Variants in AP3B1 observed in about 807,000 individuals in gnomAD.
AP3B1 encodes the protein adaptor related protein complex 3 subunit beta 1.
In AP3B1, 61 loss-of-function variants were observed where a neutral mutation model predicts 132.5. That is an observed-to-expected ratio of 0.46 (90% CI 0.37 to 0.57). AP3B1 has a LOEUF of 0.57. Among genes scored for constraint, AP3B1 ranks in the 20% least tolerant of loss-of-function variants. AP3B1 has a pLI of 0.00. For missense variants in AP3B1, 1,120 were observed against 1,289.4 expected, an observed-to-expected ratio of 0.87 and a Z score of 2.01; for synonymous variants, 388 against 438.3, an observed-to-expected ratio of 0.89 and a Z score of 1.43.
At chr5:78,177,707 C>T (rs1322864603) in intron 8 of AP3B1, among the ~76,000 whole-genome samples, 1 of 151,596 alleles carries the variant, frequency 6.6e-6, no homozygotes, top group African/African-American at 2.4e-5. Flanking sequence ...AGCCCTAAAT[C>T]GAATGAACGT....
intron 15 of AP3B1, among the ~76,000 whole-genome samples, chr5:78,130,504 T>C (rs1752641019): frequency 6.6e-6 from 1 of 152,056 alleles, no homozygotes; most frequent in African/African-American, 2.4e-5. Flanking sequence ...AGTAGAATTA[T>C]AAAAAATACA....
intron 14 of AP3B1, among the ~76,000 whole-genome samples, chr5:78,150,687 T>C (rs371812794): frequency 6.6e-6 from 1 of 152,080 alleles, no homozygotes; most frequent in Admixed American, 6.6e-5. Flanking sequence ...ATTTGACACA[T>C]GGGAAAAGTG....
At chr5:78,248,779 T>C (rs1747493254) in intron 2 of AP3B1, among the ~76,000 whole-genome samples, 1 of 152,176 alleles carries the variant, frequency 6.6e-6, no homozygotes, top group South Asian at 2.1e-4. Context: ...TAGTCTTTAT[T>C]TCATCTTCGT....
At chr5:78,218,332 A>AT (rs1746043547) in intron 6 of AP3B1, among the ~76,000 whole-genome samples, 2 of 152,292 alleles carry the variant, frequency 1.3e-5, no homozygotes, top group South Asian at 4.1e-4. Context: ...CACTGTGTCA[A>AT]TAGTAGCTTT....
chr5:78,163,650 TATAC>T (rs948253066), intron 12 of AP3B1, among the ~76,000 whole-genome samples: 3 of 148,342 alleles, frequency 2.0e-5, no homozygotes, highest in Admixed American at 6.8e-5. Flanking sequence ...CATATATATA[TATAC>T]ACACACACAC....
intron 14 of AP3B1, among the ~76,000 whole-genome samples, chr5:78,152,024 C>A (rs1434503347): frequency 5.4e-4 from 37 of 68,136 alleles, no homozygotes; most frequent in African/African-American, 2.1e-3. Flanking sequence ...TCCCTCCCCT[C>A]CCCCTTCTCT....
intron 2 of AP3B1, among the ~76,000 whole-genome samples, chr5:78,247,387 T>G (rs6873334): frequency 0.022 from 3,328 of 151,016 alleles, 131 homozygotes; most frequent in African/African-American, 0.073. Context: ...TAAGTTGATA[T>G]TATTCTAGTC....
chr5:78,250,287 C>T lies in AP3B1; in HGVS notation c.205-9351G>A, dbSNP rs140158180. Among the ~76,000 whole-genome samples, 800 of 152,066 alleles carry T rather than the reference C, an allele frequency of 5.3e-3. 8 individuals carry two copies. Among genetic ancestry groups the T allele is most frequent in the Admixed American group, 0.012 (182 of 15,246 alleles). ...TCTTAGTACCTATTCCCAAAGAATA[C>T]TTAAACCCAAAAAAGAAAAATAAAG... On this transcript the variant is annotated intron_variant, in intron 2 of 26. Coordinates refer to ENST00000255194, the MANE Select transcript of AP3B1 (RefSeq NM_003664.5).
chr5:78,032,626 G>T (rs1554059049), intron 24 of AP3B1, among the ~76,000 whole-genome samples: 1 of 151,848 alleles, frequency 6.6e-6, no homozygotes, highest in Non-Finnish European at 1.5e-5. Context: ...GTGAGTAATT[G>T]TGATTACACT....
At position 78,225,554 on chromosome 5, in the gene AP3B1, T is replaced by G. The variant is rs1309523243; in HGVS notation, c.591A>C (p.Lys197Asn). 6.3e-7 allele frequency: 1 copy of G among 1,576,668 alleles called. No homozygotes were observed. Among genetic ancestry groups the G allele is most frequent in the Non-Finnish European group, 8.7e-7 (1 of 1,148,528 alleles). Residue 197 changes from lysine to asparagine, a missense_variant, in exon 6 of 27, where the codon AAA becomes AAC. This residue lies in a region of AP3B1 where 129 missense variants were observed against 212.4 expected (regional missense o/e 0.61). Transcript: ENST00000255194. ...AGACATTACTTACTGTGCTTTTATC[T>G]TTCAGAAGTTTTTCAATTACTTCAA... is the stretch of plus-strand genomic sequence containing the variant. ...MLIEVIEKLL[K>N]DKSTLVAGSV...
intron 22 of AP3B1, among the ~76,000 whole-genome samples, chr5:78,080,099 C>T (rs1437715258): frequency 6.6e-6 from 1 of 152,172 alleles, no homozygotes; most frequent in Non-Finnish European, 1.5e-5. Context: ...ATCTCAGCCT[C>T]CTAGGCTCAA....
chr5:78,097,281 A>G (rs1398984134), intron 21 of AP3B1, among the ~76,000 whole-genome samples: 1 of 71,532 alleles, frequency 1.4e-5, no homozygotes, highest in African/African-American at 5.5e-5. Context: ...TCCGGGAGGG[A>G]GGTGGGGGGG....
intron 15 of AP3B1, among the ~76,000 whole-genome samples, chr5:78,136,951 A>C (rs1752943264): frequency 6.6e-6 from 1 of 152,154 alleles, no homozygotes; most frequent in Non-Finnish European, 1.5e-5. Flanking sequence ...GATTTGTCCA[A>C]AATCATGTAA....
intron 22 of AP3B1, among the ~76,000 whole-genome samples, chr5:78,071,509 T>C (rs1018854272): frequency 1.3e-5 from 2 of 152,310 alleles, no homozygotes; most frequent in East Asian, 1.9e-4. Context: ...CCACAGCACA[T>C]GTTTACCTAT....
At chr5:78,287,901 C>A (rs748093672) in intron 1 of AP3B1, among the ~76,000 whole-genome samples, 1 of 152,040 alleles carries the variant, frequency 6.6e-6, no homozygotes, top group African/African-American at 2.4e-5. Context: ...ATTATTAGAA[C>A]ACAAGAGATT....
At chr5:78,280,505 C>T (rs1749003314) in intron 1 of AP3B1, among the ~76,000 whole-genome samples, 1 of 152,146 alleles carries the variant, frequency 6.6e-6, no homozygotes, top group South Asian at 2.1e-4. Context: ...GCCACAGTAA[C>T]AGATGGGCAT....
chr5:78,014,450 T>C (rs1746771602), intron 26 of AP3B1, among the ~76,000 whole-genome samples: 1 of 152,130 alleles, frequency 6.6e-6, no homozygotes, highest in African/African-American at 2.4e-5. Context: ...CATAAGAAGT[T>C]ATAACTTCCC....
intron 1 of AP3B1, among the ~76,000 whole-genome samples, chr5:78,270,366 C>T (rs577888983): frequency 6.6e-6 from 1 of 152,182 alleles, no homozygotes; most frequent in African/African-American, 2.4e-5. Flanking sequence ...AATTATGGTA[C>T]ACCAAAATTT....
chr5:78,282,904 A>G (rs1749119619), intron 1 of AP3B1, among the ~76,000 whole-genome samples: 2 of 151,352 alleles, frequency 1.3e-5, no homozygotes, highest in African/African-American at 4.9e-5. Flanking sequence ...AGTCCCAGCT[A>G]CTCAGGAGGC....
Sources: gnomAD v4.1 joint callset for allele counts (sites outside exome capture counted in the v4.1 genomes callset) on GRCh38, gnomAD v4.1.1 for gene constraint, gnomAD v4.1.1 regional missense constraint, MANE v1.5 for transcripts, NCBI Gene and HGNC (gene_info 2026-07-23, HGNC 2026-07-21) for gene names.